The following DDX60L variants were observed in gnomAD, a reference collection of about 807,000 sequenced individuals.
DDX60L encodes the protein probable ATP-dependent RNA helicase DDX60-like.
DDX60L carries 191 observed loss-of-function variants against 211.6 expected under a neutral mutation model. The observed-to-expected ratio is 0.90, with a 90% CI of 0.80 to 1.02. The LOEUF (loss-of-function observed/expected upper bound fraction) is 1.02, where lower values mean the gene tolerates loss of function less well. Ranked by LOEUF, DDX60L falls within the 50% of genes least tolerant of loss-of-function variation. DDX60L has a pLI of 0.00. For missense variants in DDX60L, 2,007 were observed against 1,984.1 expected (o/e 1.01, Z -0.22); for synonymous variants, 706 against 694.1 (o/e 1.02, Z -0.27).
chr4:168,472,679 C>A lies in DDX60L; in HGVS notation c.4+17G>T, dbSNP rs762880073. ...TTGTTGCTTTATAGGCTACAAATATCAAAGATTGAGAATTACCCATCGTTG... is the reference window on the plus strand; with the variant it reads ...TTGTTGCTTTATAGGCTACAAATATAAAAGATTGAGAATTACCCATCGTTG... On this transcript the variant is annotated intron_variant, in intron 2 of 37. Transcript: ENST00000682922. 1 of 1,613,050 alleles carries A rather than the reference C, an allele frequency of 6.2e-7. No individual in the cohort carries two copies. The highest frequency in any genetic ancestry group is 8.5e-7 in the Non-Finnish European group (1 of 1,179,498).
chr4:168,469,114 A>C (rs1190316686), intron 4 of DDX60L: 1 of 152,242 alleles, frequency 6.6e-6, no homozygotes, highest in East Asian at 1.9e-4. Flanking sequence ...GAGAACCTAG[A>C]ATAGCCAAAG....
chr4:168,408,534 A>G (rs1053901706), intron 22 of DDX60L, among the ~76,000 whole-genome samples: 1 of 152,242 alleles, frequency 6.6e-6, no homozygotes, highest in Non-Finnish European at 1.5e-5. Context: ...GACAATATAT[A>G]AAAGATCATT....
chr4:168,374,205 T>C (rs536824786), intron 34 of DDX60L, among the ~76,000 whole-genome samples: 1 of 151,874 alleles, frequency 6.6e-6, no homozygotes, highest in East Asian at 1.9e-4. Context: ...GTCTGGCTCG[T>C]TTTTCCCATC....
chr4:168,401,001 CT>C (rs754660570), intron 25 of DDX60L, 23 bp from the exon 26 acceptor site: 2 of 1,600,934 alleles, frequency 1.2e-6, no homozygotes, highest in East Asian at 4.5e-5. Context: ...GAAAACAGTG[CT>C]TTGAAAAGAC....
intron 4 of DDX60L, among the ~76,000 whole-genome samples, chr4:168,462,999 A>T (rs949322819): frequency 8.5e-5 from 13 of 152,306 alleles, no homozygotes; most frequent in African/African-American, 3.1e-4. Flanking sequence ...AAAAAATAAC[A>T]GATGCTGATA....
At chr4:168,462,530 T>C (rs1757449159) in intron 4 of DDX60L, among the ~76,000 whole-genome samples, 1 of 151,952 alleles carries the variant, frequency 6.6e-6, no homozygotes, top group Non-Finnish European at 1.5e-5. Flanking sequence ...AGAAGACATA[T>C]GGTCAGGCAC....
intron 37 of DDX60L, among the ~76,000 whole-genome samples, chr4:168,359,585 C>T (rs1247559071): frequency 1.3e-5 from 2 of 152,152 alleles, no homozygotes; most frequent in Non-Finnish European, 2.9e-5. Flanking sequence ...GCTTTAGCTC[C>T]CTGCTTTCAG....
rs1364225050 is a variant in DDX60L, at chr4:168,472,702, T to C, written c.-3A>G. 8.7e-6 allele frequency: 14 copies of C among 1,613,366 alleles called. No homozygotes were observed. Among genetic ancestry groups the C allele is most frequent in the African/African-American group, 1.3e-5 (1 of 74,922 alleles). On this transcript the variant is annotated 5_prime_UTR_variant, in exon 2 of 38. Transcript: ENST00000682922. Reference sequence around the variant, plus strand: ...ATCAAAGATTGAGAATTACCCATCGTTGCTGCTTCTTGGGCTACAGGGTAG... The same window carrying C: ...ATCAAAGATTGAGAATTACCCATCGCTGCTGCTTCTTGGGCTACAGGGTAG...
At chr4:168,476,692 G>A (rs959900774) in intron 1 of DDX60L, among the ~76,000 whole-genome samples, 8 of 152,112 alleles carry the variant, frequency 5.3e-5, no homozygotes, top group Non-Finnish European at 8.8e-5. Context: ...CGGATCAGAG[G>A]TATCAACTAT....
At chr4:168,373,525 C>CA in intron 35 of DDX60L, 141 bp downstream of exon 35, 1 of 843,650 alleles carries the variant, frequency 1.2e-6, no homozygotes, top group East Asian at 2.5e-5. Context: ...GCCTCCAGGG[C>CA]TTCATTCTCT....
Position 168,411,910 on chromosome 4 carries a change from C to T in DDX60L, c.2979+3498G>A, listed in dbSNP as rs577313818. ...TCAAACTTGGACACCAGCTTAGCCA[C>T]AGTAGGATAGAGCACTGAGCAAAGT... On this transcript the variant is annotated intron_variant, in intron 22 of 37. Transcript: ENST00000682922. Among the ~76,000 whole-genome samples, 5 of 151,994 alleles carry T rather than the reference C, an allele frequency of 3.3e-5. No individual in the cohort carries two copies. In the South Asian group the frequency reaches 1.0e-3, roughly 32 times the overall value.
chr4:168,364,571 G>A (rs1300330906), intron 36 of DDX60L, among the ~76,000 whole-genome samples: 1 of 152,092 alleles, frequency 6.6e-6, no homozygotes, highest in African/African-American at 2.4e-5. Flanking sequence ...TTTAGAGACA[G>A]GGTCTTGCTG....
In DDX60L at chr4:168,420,678, T is replaced by C. The variant is rs4058257; in HGVS notation, c.2395-298A>G. On this transcript the variant is annotated intron_variant, in intron 17 of 37. Transcript: ENST00000682922. ...ATAGATAGATAGATAGATAGATAGA[T>C]AGATAGACAGACAGACAGACAGACA... Among the ~76,000 whole-genome samples the C allele has an allele frequency of 2.5e-3, 262 of 103,478 alleles. 1 individual carries two copies. Among genetic ancestry groups the C allele is most frequent in the East Asian group, 0.019 (55 of 2,956 alleles). The allele number at this position is 103,478 out of a possible 152,430, so 67.9% of individuals were successfully genotyped here.
Position 168,441,386 on chromosome 4 carries a change from C to T in DDX60L, c.1245G>A (p.Leu415=). Reference sequence around the variant, plus strand: ...TAAGAAAATGTCTTCTTGTTGTTCTCAGAGGAAAAGACTTTCCAACGTTAA... The same window carrying T: ...TAAGAAAATGTCTTCTTGTTGTTCTTAGAGGAAAAGACTTTCCAACGTTAA... ...KEFNVGKSFP[L]RTTRRHFLRQ... The change falls in exon 10 of 38, where the codon CTG becomes CTA. Residue 415 remains leucine, a synonymous_variant. Transcript: ENST00000682922. 1.2e-6 allele frequency: 2 copies of T among 1,612,204 alleles called. No homozygotes were observed. Among genetic ancestry groups the T allele is most frequent in the Non-Finnish European group, 1.7e-6 (2 of 1,179,138 alleles).
In DDX60L at chr4:168,371,718, G is replaced by A; in HGVS notation, c.4822C>T (p.Leu1608=). The A allele has an allele frequency of 6.2e-7, 1 of 1,611,688 alleles. No homozygotes were observed. Among genetic ancestry groups the A allele is most frequent in the South Asian group, 1.1e-5 (1 of 90,808 alleles). The change falls in exon 36 of 38, where the codon CTG becomes TTG. Residue 1608 remains leucine, a synonymous_variant. Transcript: ENST00000682922. ...CGGTTATCTAATTTCCATGGCCACA[G>A]CAGAGGAGCCTGAGTGCCACTAACA... ...VGVSGTQAPL[L]WPWKLDNRGR... is the part of the protein sequence containing the mutation.
At chr4:168,421,961 A>C in intron 16 of DDX60L, 52 bp from the exon 17 acceptor site, 1 of 1,610,438 alleles carries the variant, frequency 6.2e-7, no homozygotes, top group Non-Finnish European at 8.5e-7. Flanking sequence ...GCATGTTACC[A>C]AAACACAGAC....
At chr4:168,414,078 G>A (rs901690676) in intron 22 of DDX60L, among the ~76,000 whole-genome samples, 2 of 152,122 alleles carry the variant, frequency 1.3e-5, no homozygotes, top group African/African-American at 4.8e-5. Flanking sequence ...AGAGTGGCAT[G>A]ACATAAAGGG....
intron 30 of DDX60L, among the ~76,000 whole-genome samples, chr4:168,382,055 G>T (rs1175706131): frequency 2.0e-5 from 3 of 152,122 alleles, no homozygotes; most frequent in African/African-American, 7.2e-5. Flanking sequence ...AAGACTCTTT[G>T]TCTTGGCAAG....
intron 35 of DDX60L, among the ~76,000 whole-genome samples, chr4:168,373,465 C>A (rs889775287): frequency 9.9e-5 from 15 of 152,102 alleles, no homozygotes; most frequent in Non-Finnish European, 2.2e-4. Context: ...AAATTTTAGA[C>A]AAAGAAGCAG....
Sources: allele counts gnomAD v4.1 joint callset (sites outside exome capture counted in the v4.1 genomes callset), GRCh38; gene constraint gnomAD v4.1.1; transcripts MANE v1.5; gene names NCBI Gene and HGNC (gene_info 2026-07-23, HGNC 2026-07-21).